TRIP12: variants seen among roughly 807,000 people sequenced by gnomAD.
The protein encoded by TRIP12 is E3 ubiquitin-protein ligase TRIP12.
A neutral mutation model predicts 244.2 loss-of-function variants in TRIP12; 25 were observed. The ratio of observed to expected loss-of-function variants is 0.10; its 90% CI spans 0.07 to 0.14. TRIP12 has a LOEUF of 0.14. TRIP12 is among the 10% of genes least tolerant of loss of function. The probability of loss-of-function intolerance (pLI) is 1.00; values close to 1 mark genes in which losing one functional copy is unlikely to be tolerated. For synonymous variants in TRIP12, 905 were observed against 873.1 expected (o/e 1.04, Z -0.64); for missense variants, 1,677 against 2,486.4 (o/e 0.67, Z 6.92).
intron 6 of TRIP12, among the ~76,000 whole-genome samples, chr2:229,833,713 T>A (rs749348567): frequency 4.6e-5 from 7 of 152,180 alleles, no homozygotes; most frequent in African/African-American, 1.7e-4. Flanking sequence ...TGAAGTAGTT[T>A]AGGTTATCTA....
intron 1 of TRIP12, among the ~76,000 whole-genome samples, chr2:229,906,873 C>G (rs140295774): frequency 2.0e-5 from 3 of 152,102 alleles, no homozygotes; most frequent in Non-Finnish European, 4.4e-5. Context: ...ATAAAGACAT[C>G]AAAAAATGTA....
intron 6 of TRIP12, among the ~76,000 whole-genome samples, chr2:229,831,879 T>G (rs2053500065): frequency 8.4e-6 from 1 of 119,230 alleles, no homozygotes; most frequent in South Asian, 2.9e-4. Flanking sequence ...TTTTTGTTTG[T>G]TTTTTGGGTT....
chr2:229,830,549 T>C (rs1308132202), intron 7 of TRIP12, among the ~76,000 whole-genome samples: 1 of 152,204 alleles, frequency 6.6e-6, no homozygotes, highest in Admixed American at 6.5e-5. Flanking sequence ...TAAGGCTTCA[T>C]CTAGTGAAAC....
chr2:229,767,839 T>C (rs564519102), intron 41 of TRIP12, 89 bp from the exon 42 acceptor site: 17 of 1,270,980 alleles, frequency 1.3e-5, no homozygotes, highest in Middle Eastern at 2.0e-4. Flanking sequence ...CCGTACAATA[T>C]TACACACAAG....
chr2:229,766,099 A>G lies in TRIP12; in HGVS notation c.*1455T>C, dbSNP rs2031634158. The G allele has an allele frequency of 1.3e-5, 2 of 151,648 alleles. No individual in the cohort carries two copies. The highest frequency in any genetic ancestry group is 1.3e-4 in the Admixed American group (2 of 15,248). 9.4% of individuals were successfully genotyped at this position (151,648 alleles called of 1,614,324 possible). A position where few individuals can be genotyped will look rare whatever the true frequency, so the allele number is the denominator to read the frequency against. On this transcript the variant is annotated 3_prime_UTR_variant, in exon 42 of 42. Coordinates refer to ENST00000675903, the MANE Select transcript of TRIP12 (RefSeq NM_001348323.3). ...GAACAGTCAAAAAAATTGATTTCTC[A>G]AAGTTCAATTAAAAAAAAAAACTAG...
Position 229,777,493 on chromosome 2 carries a change from T to G in TRIP12, c.5365-14A>C, listed in dbSNP as rs138926243. 2 of 1,613,150 alleles carry G rather than the reference T, an allele frequency of 1.2e-6. No homozygotes were observed. The highest frequency in any genetic ancestry group is 2.7e-5 in the African/African-American group (2 of 74,888). On this transcript the variant is annotated splice_polypyrimidine_tract_variant and intron_variant, in intron 36 of 41. Transcript: ENST00000675903. ...GGGAAGGTCCACCTGAAATGGAATA[T>G]GCATAATATTTTCACTGTCACACTG... is the stretch of plus-strand genomic sequence containing the variant.
chr2:229,900,797 G>A (rs2070511277), intron 1 of TRIP12: 1 of 151,816 alleles, frequency 6.6e-6, no homozygotes, highest in Admixed American at 6.6e-5. Flanking sequence ...GGGAGGCAGA[G>A]GTTGCAGTGA....
intron 4 of TRIP12, among the ~76,000 whole-genome samples, chr2:229,847,455 C>A (rs906595265): frequency 6.6e-6 from 1 of 152,220 alleles, no homozygotes; most frequent in South Asian, 2.1e-4. Context: ...AACACACATG[C>A]ACTCACTTCT....
Position 229,788,874 on chromosome 2 carries a change from T to A in TRIP12, c.4762A>T (p.Asn1588Tyr). 1 of 1,614,084 alleles carries A rather than the reference T, an allele frequency of 6.2e-7. No individual in the cohort carries two copies. Among genetic ancestry groups the A allele is most frequent in the Non-Finnish European group, 8.5e-7 (1 of 1,179,966 alleles). The stretch of plus-strand genomic sequence containing the variant: ...ACTAAAGGATCTTGAAGTTGCCTAT[T>A]TGCTTTTGCTGTTAACTTACTGTTA... ...FINSKLTAKA[N>Y]RQLQDPLVIM... The change falls in exon 32 of 42, where the codon AAT becomes TAT. Residue 1588 changes from asparagine to tyrosine, a missense_variant. Physicochemically the swap from Asn to Tyr is moderately radical, Grantham distance 143. This residue lies in a region of TRIP12 where 265 missense variants were observed against 370.8 expected (regional missense o/e 0.71). Coordinates refer to ENST00000675903, the MANE Select transcript of TRIP12 (RefSeq NM_001348323.3).
intron 1 of TRIP12, among the ~76,000 whole-genome samples, chr2:229,902,164 A>G (rs2071092237): frequency 6.6e-6 from 1 of 152,140 alleles, no homozygotes. Flanking sequence ...CAGGTGGATC[A>G]CTTGAAGTCA....
intron 4 of TRIP12, among the ~76,000 whole-genome samples, chr2:229,842,076 T>C (rs903826550): frequency 6.6e-6 from 1 of 152,236 alleles, no homozygotes; most frequent in Non-Finnish European, 1.5e-5. Flanking sequence ...AATCTATGTT[T>C]AGACAGGCAT....
At chr2:229,907,171 G>A (rs1264271526) in intron 1 of TRIP12, among the ~76,000 whole-genome samples, 3 of 152,122 alleles carry the variant, frequency 2.0e-5, no homozygotes, top group African/African-American at 7.2e-5. Flanking sequence ...GTGAAAATAA[G>A]GCACCATTTA....
intron 1 of TRIP12, among the ~76,000 whole-genome samples, chr2:229,914,718 G>A (rs12694820): frequency 0.015 from 2,344 of 152,212 alleles, 62 homozygotes; most frequent in East Asian, 0.11. Context: ...AGTCAGGGTA[G>A]AACTCATTGG....
intron 2 of TRIP12, among the ~76,000 whole-genome samples, chr2:229,863,610 G>A (rs761548888): frequency 2.6e-5 from 4 of 152,100 alleles, no homozygotes; most frequent in Non-Finnish European, 5.9e-5. Flanking sequence ...ACAACCAGAT[G>A]GTACCATGAA....
rs1167119122 is a variant in TRIP12 at position 229,829,730 on chromosome 2, C to T, written c.1355-442G>A. Among the ~76,000 whole-genome samples, 7 of 152,162 alleles carry T rather than the reference C, an allele frequency of 4.6e-5. No homozygotes were observed. In the East Asian group the frequency reaches 1.3e-3, roughly 29 times the overall value. ...TTGGGAGGCCGAGACGGGAGGATCACCTGAGGTCAGGAGCTCAAGACCAGC... is the reference window on the plus strand; with the variant it reads ...TTGGGAGGCCGAGACGGGAGGATCATCTGAGGTCAGGAGCTCAAGACCAGC... On this transcript the variant is annotated intron_variant, in intron 7 of 41. Coordinates refer to ENST00000675903, the MANE Select transcript of TRIP12 (RefSeq NM_001348323.3).
chr2:229,889,737 T>C (rs1056493043), intron 1 of TRIP12, among the ~76,000 whole-genome samples: 2 of 152,188 alleles, frequency 1.3e-5, no homozygotes, highest in African/African-American at 4.8e-5. Flanking sequence ...AGTTCTTCCT[T>C]ATAAAGATAT....
intron 1 of TRIP12, among the ~76,000 whole-genome samples, chr2:229,895,901 C>A (rs1454481780): frequency 6.6e-6 from 1 of 152,052 alleles, no homozygotes; most frequent in Non-Finnish European, 1.5e-5. Flanking sequence ...GCAGGAGGAT[C>A]GCTTGAGCCC....
At chr2:229,834,638 T>C (rs966442923) in intron 6 of TRIP12, among the ~76,000 whole-genome samples, 1 of 150,786 alleles carries the variant, frequency 6.6e-6, no homozygotes, top group East Asian at 1.9e-4. Context: ...CAGGCACTTG[T>C]AGTCCCAACT....
Position 229,765,755 on chromosome 2 carries a change from TTGA to T in TRIP12, c.*1796_*1798del. 6.6e-6 allele frequency: 1 copy of T among 152,358 alleles called. No homozygotes were observed. Among genetic ancestry groups the T allele is most frequent in the Middle Eastern group, 3.4e-3 (1 of 294 alleles). 9.4% of individuals were successfully genotyped at this position (152,358 alleles called of 1,614,324 possible). ...AAATTGTTTCAGTCTTTAACTTCAC[TTGA>T]TGAAGCTGCTCAGCAACTGTGCTGT... On this transcript the variant is annotated 3_prime_UTR_variant, in exon 42 of 42. Transcript: ENST00000675903.
Sources: gnomAD v4.1 joint callset for allele counts (sites outside exome capture counted in the v4.1 genomes callset) on GRCh38, gnomAD v4.1.1 for gene constraint, gnomAD v4.1.1 regional missense constraint, MANE v1.5 for transcripts, NCBI Gene and HGNC (gene_info 2026-07-23, HGNC 2026-07-21) for gene names.